SUSD4: variants seen among roughly 807,000 people sequenced by gnomAD.
SUSD4 encodes sushi domain containing 4, also known as sushi domain-containing protein 4.
Under a neutral mutation model 50.5 loss-of-function variants are expected in SUSD4, and 41 were observed. The observed-to-expected ratio is 0.81, with a 90% CI of 0.63 to 1.05. SUSD4 has a LOEUF of 1.05. Ranked by LOEUF, SUSD4 falls within the 50% of genes least tolerant of loss-of-function variation. The pLI is 0.00. For synonymous variants in SUSD4, 257 were observed against 257.3 expected (o/e 1.00, Z 0.01); for missense variants, 580 against 634.7 (o/e 0.91, Z 0.93).
At chr1:223,339,948 T>C (rs1293482800) in intron 2 of SUSD4, among the ~76,000 whole-genome samples, 1 of 152,168 alleles carries the variant, frequency 6.6e-6, no homozygotes, top group Non-Finnish European at 1.5e-5. Context: ...GGGCTCTCAT[T>C]CCACCGGCTC....
chr1:223,266,604 C>T (rs1314065700), intron 4 of SUSD4, among the ~76,000 whole-genome samples: 6 of 152,230 alleles, frequency 3.9e-5, no homozygotes, highest in African/African-American at 1.2e-4. Context: ...GATATTCTCA[C>T]TCTTGGTTAG....
intron 5 of SUSD4, among the ~76,000 whole-genome samples, chr1:223,252,115 T>G (rs1661354718): frequency 6.7e-6 from 1 of 148,456 alleles, no homozygotes; most frequent in Non-Finnish European, 1.5e-5. Context: ...ATATACCTAA[T>G]GTAAACGACG....
intron 5 of SUSD4, among the ~76,000 whole-genome samples, chr1:223,242,053 G>A (rs1660620504): frequency 6.6e-6 from 1 of 152,074 alleles, no homozygotes; most frequent in South Asian, 2.1e-4. Flanking sequence ...GTGATCCTCT[G>A]ACCTCAGCCT....
At chr1:223,341,525 G>A (rs1293575662) in intron 2 of SUSD4, among the ~76,000 whole-genome samples, 1 of 151,730 alleles carries the variant, frequency 6.6e-6, no homozygotes, top group Non-Finnish European at 1.5e-5. Context: ...GAAGGGGCCG[G>A]CTCCCATCAA....
Position 223,222,273 on chromosome 1 carries a change from G to A in SUSD4, c.1445-53C>T, listed in dbSNP as rs1571813274. ...TAACATAACCAGAAAACACCATGAC[G>A]ATCTGGAATTATATGCCTCATTAAA... On this transcript the variant is annotated intron_variant, in intron 8 of 8. Coordinates refer to ENST00000366878, the MANE Select transcript of SUSD4 (RefSeq NM_017982.4). The A allele has an allele frequency of 3.2e-6, 5 of 1,573,152 alleles. No individual in the cohort carries two copies. In the East Asian group the frequency reaches 9.0e-5, roughly 28 times the overall value.
intron 5 of SUSD4, among the ~76,000 whole-genome samples, chr1:223,259,653 G>A (rs1661957206): frequency 6.6e-6 from 1 of 152,158 alleles, no homozygotes; most frequent in Non-Finnish European, 1.5e-5. Flanking sequence ...CTGTAGAGAA[G>A]AGCCCTTTCC....
intron 2 of SUSD4, among the ~76,000 whole-genome samples, chr1:223,317,851 C>T (rs201380253): frequency 0.021 from 2,078 of 99,704 alleles, no homozygotes; most frequent in Middle Eastern, 0.04. Context: ...TTTTTTTTTT[C>T]TTTTTTTTTT....
In SUSD4 at chr1:223,281,823, G is replaced by A. The variant is rs576075631; in HGVS notation, c.361+10616C>T. On this transcript the variant is annotated intron_variant, in intron 3 of 8. Coordinates refer to ENST00000366878, the MANE Select transcript of SUSD4 (RefSeq NM_017982.4). ...TAGACCAATATCCCTGATAAACATC[G>A]ATGCAAAAATCCTCAATAAAATACT... Among the ~76,000 whole-genome samples, 8 of 152,142 alleles carry A rather than the reference G, an allele frequency of 5.3e-5. No homozygotes were observed. The East Asian group carries it at 1.5e-3, about 29-fold the overall frequency.
Position 223,269,589 on chromosome 1 carries a change from T to A in SUSD4, c.362-914A>T, listed in dbSNP as rs1441828172. 6.6e-5 allele frequency among the ~76,000 whole-genome samples: 10 copies of A among 152,318 alleles called. No individual in the cohort carries two copies. In the East Asian group the frequency reaches 1.9e-3, roughly 29 times the overall value. Reference sequence around the variant, plus strand: ...AGGCACATTGATCGCAATGTGTCTCTCTCCATCTCTTATGAGCACATGTCT... The same window carrying A: ...AGGCACATTGATCGCAATGTGTCTCACTCCATCTCTTATGAGCACATGTCT... On this transcript the variant is annotated intron_variant, in intron 3 of 8. Transcript: ENST00000366878.
chr1:223,299,183 T>C (rs1665027352), intron 2 of SUSD4, among the ~76,000 whole-genome samples: 1 of 152,220 alleles, frequency 6.6e-6, no homozygotes, highest in South Asian at 2.1e-4. Flanking sequence ...TGTGCTTCCA[T>C]AATGACAATG....
chr1:223,302,604 C>T (rs1665264986), intron 2 of SUSD4, among the ~76,000 whole-genome samples: 1 of 152,180 alleles, frequency 6.6e-6, no homozygotes, highest in African/African-American at 2.4e-5. Context: ...CAGGCTCAAA[C>T]ATTCTGAGGG....
intron 5 of SUSD4, among the ~76,000 whole-genome samples, chr1:223,242,821 T>G (rs1417419102): frequency 6.6e-6 from 1 of 152,196 alleles, no homozygotes. Context: ...GTTTGTTTTC[T>G]GGGATGGGGA....
At chr1:223,296,485 G>A (rs1440671056) in intron 2 of SUSD4, among the ~76,000 whole-genome samples, 1 of 152,204 alleles carries the variant, frequency 6.6e-6, no homozygotes, top group African/African-American at 2.4e-5. Context: ...CAGAAGTTCT[G>A]CATGGCCTGT....
chr1:223,268,360 G>T, intron 4 of SUSD4, 142 bp downstream of exon 4: 1 of 1,094,296 alleles, frequency 9.1e-7, no homozygotes, highest in Non-Finnish European at 1.3e-6. Flanking sequence ...TAGTAAAGAT[G>T]CAACTGGATC....
At chr1:223,257,389 G>A (rs1661773961) in intron 5 of SUSD4, among the ~76,000 whole-genome samples, 1 of 152,134 alleles carries the variant, frequency 6.6e-6, no homozygotes, top group South Asian at 2.1e-4. Flanking sequence ...GGCAAGGAAG[G>A]GAGTGAAGAT....
At chr1:223,226,296 G>T (rs1659510192) in intron 7 of SUSD4, among the ~76,000 whole-genome samples, 1 of 152,230 alleles carries the variant, frequency 6.6e-6, no homozygotes, top group Non-Finnish European at 1.5e-5. Flanking sequence ...GAAGGTTTCA[G>T]CATCTTAGCA....
chr1:223,256,648 G>A (rs1168634430), intron 5 of SUSD4, among the ~76,000 whole-genome samples: 2 of 152,150 alleles, frequency 1.3e-5, no homozygotes, highest in East Asian at 3.8e-4. Flanking sequence ...CCAGGGACAG[G>A]GCAGCCTCTC....
rs532655841 is a variant in SUSD4, at chr1:223,259,799, T to C, written c.724+4831A>G. Among the ~76,000 whole-genome samples, 3 of 152,216 alleles carry C rather than the reference T, an allele frequency of 2.0e-5. No individual in the cohort carries two copies. In the South Asian group the frequency reaches 6.2e-4, roughly 32 times the overall value. On this transcript the variant is annotated intron_variant, in intron 5 of 8. Coordinates refer to ENST00000366878, the MANE Select transcript of SUSD4 (RefSeq NM_017982.4). ...ATCCCTGCAACTATGTGCTACATGG[T>C]TGGTTCATTTACTTATTGTTATGCT...
intron 3 of SUSD4, among the ~76,000 whole-genome samples, chr1:223,274,885 T>C (rs985281908): frequency 6.6e-6 from 1 of 152,064 alleles, no homozygotes; most frequent in African/African-American, 2.4e-5. Flanking sequence ...CTGGCCACAA[T>C]GAAATAAAGA....
Sources: gnomAD v4.1 joint callset for allele counts (sites outside exome capture counted in the v4.1 genomes callset) on GRCh38, gnomAD v4.1.1 for gene constraint, MANE v1.5 for transcripts, NCBI Gene and HGNC (gene_info 2026-07-23, HGNC 2026-07-21) for gene names.